The following DNAH11 variants were observed in gnomAD, a reference collection of about 807,000 sequenced individuals.
DNAH11 encodes dynein axonemal heavy chain 11.
Under a neutral mutation model 526.0 loss-of-function variants are expected in DNAH11, and 442 were observed. The ratio of observed to expected loss-of-function variants is 0.84; its 90% CI spans 0.78 to 0.91. DNAH11 has a LOEUF of 0.91. Ranked by LOEUF, DNAH11 falls within the 40% of genes least tolerant of loss-of-function variation. The pLI is 0.00. For synonymous variants in DNAH11, 2,461 were observed against 1,935.9 expected (o/e 1.27, Z -7.12); for missense variants, 6,989 against 5,448.7 (o/e 1.28, Z -8.90).
At position 21,591,284 on chromosome 7, in the gene DNAH11, A is replaced by G. The variant is rs762314534; in HGVS notation, c.2374A>G (p.Ile792Val). 8.1e-6 allele frequency: 13 copies of G among 1,613,258 alleles called. No individual in the cohort carries two copies. The highest frequency in any genetic ancestry group is 2.7e-5 in the African/African-American group (2 of 74,898). Residue 792 changes from isoleucine (I) to valine (V), a missense_variant, in exon 14 of 82, where the codon ATT (isoleucine) becomes GTT (valine). Ile to Val is a conservative substitution (Grantham distance 29, BLOSUM62 3). Transcript: ENST00000409508. ...TCTGATTGAAGATGAGCTGAGGGCT[A>G]TTGACGAGCAGCTGACAGCAGCCAC... ...YPLIEDELRAIDEQLTAATTW... is the reference protein window; with the variant it reads ...YPLIEDELRAVDEQLTAATTW...
chr7:21,695,447 A>G (rs1319688730), intron 35 of DNAH11, among the ~76,000 whole-genome samples: 3 of 152,208 alleles, frequency 2.0e-5, no homozygotes, highest in Non-Finnish European at 4.4e-5. Context: ...CCACACATCT[A>G]CAACCATCTG....
chr7:21,673,325 T>C (rs1782720481), intron 30 of DNAH11, among the ~76,000 whole-genome samples: 1 of 152,244 alleles, frequency 6.6e-6, no homozygotes, highest in African/African-American at 2.4e-5. Flanking sequence ...TATTCTCATA[T>C]GTAAAACTGG....
chr7:21,713,294 A>G lies in DNAH11; in HGVS notation c.6983+1434A>G, dbSNP rs531923274. 7.2e-5 allele frequency among the ~76,000 whole-genome samples: 11 copies of G among 152,192 alleles called. No homozygotes were observed. In the South Asian group the frequency reaches 1.9e-3, roughly 26 times the overall value. On this transcript the variant is annotated intron_variant, in intron 42 of 81. Coordinates refer to ENST00000409508, the MANE Select transcript of DNAH11 (RefSeq NM_001277115.2). ...TCACCCTCTTCTGTGGTCTGTATGG[A>G]CCACATTAGTGGGCTCCTTGCCTTC...
intron 2 of DNAH11, among the ~76,000 whole-genome samples, chr7:21,548,244 G>A (rs946772851): frequency 6.6e-6 from 1 of 152,040 alleles, no homozygotes; most frequent in African/African-American, 2.4e-5. Context: ...CCCTTTTTCT[G>A]CTAGTGTCAT....
intron 4 of DNAH11, among the ~76,000 whole-genome samples, chr7:21,560,639 C>A (rs1399986129): frequency 6.6e-6 from 1 of 151,320 alleles, no homozygotes; most frequent in East Asian, 2.2e-4. Context: ...GTCTGCTTTT[C>A]CATCTTCTCC....
intron 30 of DNAH11, among the ~76,000 whole-genome samples, chr7:21,670,499 C>A (rs1197275254): frequency 1.3e-5 from 2 of 152,094 alleles, no homozygotes; most frequent in African/African-American, 4.8e-5. Context: ...GTTTTCTTCT[C>A]TTCCATTCTT....
intron 63 of DNAH11, among the ~76,000 whole-genome samples, chr7:21,814,498 A>C (rs1789684777): frequency 1.4e-5 from 2 of 144,664 alleles, no homozygotes; most frequent in Non-Finnish European, 1.5e-5. Context: ...TATATCTCCC[A>C]ATGCTATCCC....
At chr7:21,885,171 T>TGTAAA (rs1784081235) in intron 76 of DNAH11, among the ~76,000 whole-genome samples, 1 of 114,584 alleles carries the variant, frequency 8.7e-6, no homozygotes. Context: ...AAATGAACTA[T>TGTAAA]AAAAAAAAAA....
intron 79 of DNAH11, among the ~76,000 whole-genome samples, chr7:21,896,497 T>C (rs1784520899): frequency 6.6e-6 from 1 of 152,224 alleles, no homozygotes; most frequent in African/African-American, 2.4e-5. Context: ...AAAATGTTTC[T>C]CTTTACCCTT....
rs768652615 is a variant in DNAH11, at chr7:21,854,351, G to A, written c.11098G>A (p.Glu3700Lys). 1.1e-5 allele frequency: 18 copies of A among 1,613,598 alleles called. No individual in the cohort carries two copies. The East Asian group carries it at 1.3e-4, about 12-fold the overall frequency. Residue 3700 changes from glutamate (E) to lysine (K), a missense_variant, in exon 68 of 82, where the codon GAG becomes AAG. Physicochemically the swap from Glu to Lys is moderately conservative, Grantham distance 56. Coordinates refer to ENST00000409508, the MANE Select transcript of DNAH11 (RefSeq NM_001277115.2). The stretch of plus-strand genomic sequence containing the variant: ...CAAAGAAAATGAAAGAAAAATCAAC[G>A]AGGCCCGAGAATGTTACAGACCAGT... Reference protein sequence around the residue: ...EAKENERKINEARECYRPVAA... With the variant: ...EAKENERKINKARECYRPVAA...
At chr7:21,715,066 G>A (rs547577152) in intron 42 of DNAH11, among the ~76,000 whole-genome samples, 3 of 152,178 alleles carry the variant, frequency 2.0e-5, no homozygotes, top group Non-Finnish European at 4.4e-5. Flanking sequence ...TTACAAACAT[G>A]CAACTTCAGA....
intron 2 of DNAH11, among the ~76,000 whole-genome samples, chr7:21,553,075 T>C (rs1783082307): frequency 7.1e-5 from 10 of 140,664 alleles, no homozygotes; most frequent in Admixed American, 6.2e-4. Context: ...ATGGGATTTT[T>C]TTTTTTTTTT....
rs7802456 is a variant in DNAH11, at chr7:21,899,724, T to A, written c.13163-256T>A. ...ATTTTCTGGAAAGGGCCACATAGCT[T>A]CTCTGCTACTGTAGTGCGAAAACCA... is the stretch of plus-strand genomic sequence containing the variant. On this transcript the variant is annotated intron_variant, in intron 80 of 81. Coordinates refer to ENST00000409508, the MANE Select transcript of DNAH11 (RefSeq NM_001277115.2). Among the ~76,000 whole-genome samples, 144,190 of 152,236 alleles carry A rather than the reference T, an allele frequency of 0.95. 68,760 individuals carry two copies. Among genetic ancestry groups the A allele is most frequent in the East Asian group, 1 (5,162 of 5,162 alleles).
chr7:21,895,231 C>A (rs1429517727), intron 79 of DNAH11, among the ~76,000 whole-genome samples: 1 of 152,176 alleles, frequency 6.6e-6, no homozygotes, highest in East Asian at 1.9e-4. Context: ...GTCGCTCACT[C>A]ATTGATACAT....
chr7:21,841,298 A>T (rs917775386), intron 65 of DNAH11, among the ~76,000 whole-genome samples: 1 of 152,206 alleles, frequency 6.6e-6, no homozygotes, highest in South Asian at 2.1e-4. Context: ...AAGATGCATT[A>T]TACATATATA....
At chr7:21,734,685 A>G (rs1300869883) in intron 45 of DNAH11, among the ~76,000 whole-genome samples, 1 of 152,026 alleles carries the variant, frequency 6.6e-6, no homozygotes, top group Non-Finnish European at 1.5e-5. Flanking sequence ...GCAAAATCCC[A>G]TCTCTACAAA....
intron 36 of DNAH11, among the ~76,000 whole-genome samples, chr7:21,701,631 T>G (rs1199676816): frequency 6.6e-6 from 1 of 152,190 alleles, no homozygotes; most frequent in African/African-American, 2.4e-5. Context: ...TGTTTTTCAT[T>G]TCGTTCCCTT....
intron 11 of DNAH11, among the ~76,000 whole-genome samples, chr7:21,588,916 T>C (rs1784572632): frequency 6.6e-6 from 1 of 152,200 alleles, no homozygotes; most frequent in Non-Finnish European, 1.5e-5. Flanking sequence ...GTTTTTCCTT[T>C]TTCCAATAAA....
Position 21,662,883 on chromosome 7 carries a change from G to A in DNAH11, c.5328+3852G>A, listed in dbSNP as rs117788962. 4.8e-3 allele frequency among the ~76,000 whole-genome samples: 724 copies of A among 152,108 alleles called. 3 individuals are homozygous for A. Among genetic ancestry groups the A allele is most frequent in the South Asian group, 9.7e-3 (47 of 4,824 alleles). Reference sequence around the variant, plus strand: ...GTACAAGTGCAATCTTGCTACCTGCGTTGAATTCGTAATGGTGAATTCAGT... The same window carrying A: ...GTACAAGTGCAATCTTGCTACCTGCATTGAATTCGTAATGGTGAATTCAGT... On this transcript the variant is annotated intron_variant, in intron 30 of 81. Coordinates refer to ENST00000409508, the MANE Select transcript of DNAH11 (RefSeq NM_001277115.2).
Sources: gnomAD v4.1 joint callset for allele counts (sites outside exome capture counted in the v4.1 genomes callset) on GRCh38, gnomAD v4.1.1 for gene constraint, MANE v1.5 for transcripts, NCBI Gene and HGNC (gene_info 2026-07-23, HGNC 2026-07-21) for gene names.